Variants in RNGTT observed in about 807,000 individuals in gnomAD.
The protein encoded by RNGTT is mRNA-capping enzyme.
In RNGTT, 33 loss-of-function variants were observed where a neutral mutation model predicts 79.3. That is an observed-to-expected ratio of 0.42 (90% CI 0.32 to 0.56). RNGTT has a LOEUF of 0.56. RNGTT is among the 20% of genes least tolerant of loss of function. The probability of loss-of-function intolerance (pLI) is 0.17; values close to 1 mark genes in which losing one functional copy is unlikely to be tolerated. For synonymous variants in RNGTT, 222 were observed against 235.9 expected, an observed-to-expected ratio of 0.94 and a Z score of 0.54; for missense variants, 497 against 739.1, an observed-to-expected ratio of 0.67 and a Z score of 3.80.
At chr6:88,644,164 G>C (rs1408797706) in intron 14 of RNGTT, among the ~76,000 whole-genome samples, 1 of 152,086 alleles carries the variant, frequency 6.6e-6, no homozygotes. Context: ...AAATGACAAA[G>C]GGGATATCAC....
chr6:88,760,922 T>C (rs1778196484), intron 13 of RNGTT, among the ~76,000 whole-genome samples: 1 of 150,926 alleles, frequency 6.6e-6, no homozygotes, highest in Non-Finnish European at 1.5e-5. Context: ...TTGCACAGGC[T>C]GGATTCAAAC....
chr6:88,959,306 C>G (rs1785537050), intron 1 of RNGTT, among the ~76,000 whole-genome samples: 1 of 152,122 alleles, frequency 6.6e-6, no homozygotes, highest in African/African-American at 2.4e-5. Context: ...CACTGAAGTA[C>G]TTATCCATGT....
At chr6:88,624,637 C>T (rs1340565883) in intron 14 of RNGTT, among the ~76,000 whole-genome samples, 5 of 151,516 alleles carry the variant, frequency 3.3e-5, no homozygotes, top group Non-Finnish European at 7.4e-5. Context: ...TAAAAGAAAA[C>T]ATAAAAGAAA....
chr6:88,889,918 G>A (rs1304536927), intron 8 of RNGTT, among the ~76,000 whole-genome samples: 4 of 152,148 alleles, frequency 2.6e-5, no homozygotes, highest in Non-Finnish European at 5.9e-5. Flanking sequence ...GTTCAAGGCT[G>A]CAGTGAGCCT....
intron 12 of RNGTT, among the ~76,000 whole-genome samples, chr6:88,774,142 A>C (rs1190103467): frequency 2.0e-5 from 3 of 152,162 alleles, no homozygotes; most frequent in Non-Finnish European, 4.4e-5. Flanking sequence ...AAAAACCCAA[A>C]TTTAAAAGTC....
chr6:88,954,157 T>C (rs1785347968), intron 1 of RNGTT, among the ~76,000 whole-genome samples: 1 of 152,156 alleles, frequency 6.6e-6, no homozygotes, highest in Non-Finnish European at 1.5e-5. Flanking sequence ...TGAATAGAAA[T>C]GGCCCAAATG....
intron 1 of RNGTT, among the ~76,000 whole-genome samples, chr6:88,952,119 T>C (rs1480017302): frequency 6.6e-6 from 1 of 152,064 alleles, no homozygotes; most frequent in East Asian, 1.9e-4. Context: ...ACCAACTGCA[T>C]GGGAGCTGGG....
chr6:88,685,386 G>T (rs557564424), intron 13 of RNGTT, among the ~76,000 whole-genome samples: 6 of 151,908 alleles, frequency 3.9e-5, no homozygotes, highest in Non-Finnish European at 7.4e-5. Context: ...AAAGAGAAAG[G>T]GTATCTAGGA....
At chr6:88,899,685 A>G (rs1783380247) in intron 6 of RNGTT, among the ~76,000 whole-genome samples, 1 of 152,162 alleles carries the variant, frequency 6.6e-6, no homozygotes, top group African/African-American at 2.4e-5. Context: ...AAGGGCCAAA[A>G]ACTCAGGAGG....
chr6:88,662,076 G>T (rs1774207588), intron 14 of RNGTT, among the ~76,000 whole-genome samples: 1 of 152,134 alleles, frequency 6.6e-6, no homozygotes, highest in Non-Finnish European at 1.5e-5. Flanking sequence ...CATATCAATG[G>T]ATCCAGAAAA....
Position 88,844,512 on chromosome 6 carries a change from C to A in RNGTT, c.1114G>T (p.Val372Phe), listed in dbSNP as rs745412271. Residue 372 changes from valine to phenylalanine, a missense_variant, in exon 11 of 16, where the codon GTT (valine) becomes TTT (phenylalanine). This residue lies in a region of RNGTT where 440 missense variants were observed against 671.5 expected (regional missense o/e 0.66). Transcript: ENST00000369485. ...YDIIKFNSQP[V>F]GDCDFNVRLQ... ...CGAACATTAAAATCACAATCTCCAA[C>A]GGGCTGTGACTGAATTAAATAAAGA... is the stretch of plus-strand genomic sequence containing the variant. The A allele has an allele frequency of 1.9e-6, 3 of 1,600,240 alleles. No individual in the cohort carries two copies. The highest frequency in any genetic ancestry group is 2.6e-6 in the Non-Finnish European group (3 of 1,176,376).
At chr6:88,881,927 T>C (rs1782705623) in intron 8 of RNGTT, among the ~76,000 whole-genome samples, 1 of 152,236 alleles carries the variant, frequency 6.6e-6, no homozygotes, top group Non-Finnish European at 1.5e-5. Context: ...AGCTTACTAA[T>C]TCTCTATAAG....
chr6:88,914,972 A>T (rs924291980), intron 4 of RNGTT, among the ~76,000 whole-genome samples: 12 of 152,246 alleles, frequency 7.9e-5, no homozygotes, highest in Non-Finnish European at 1.6e-4. Flanking sequence ...ACATGAACAG[A>T]CAGTTATCAA....
chr6:88,624,712 T>TA (rs1236325143), intron 14 of RNGTT, among the ~76,000 whole-genome samples: 2 of 151,830 alleles, frequency 1.3e-5, no homozygotes, highest in East Asian at 3.8e-4. Flanking sequence ...ATTCATAAAA[T>TA]AAAAAACTGA....
At chr6:88,676,042 G>A (rs754493626) in intron 14 of RNGTT, among the ~76,000 whole-genome samples, 1 of 152,072 alleles carries the variant, frequency 6.6e-6, no homozygotes, top group Non-Finnish European at 1.5e-5. Flanking sequence ...CATTTTTATA[G>A]AAACTGACAA....
At chr6:88,900,543 GGCCA>G (rs1783415268) in intron 6 of RNGTT, among the ~76,000 whole-genome samples, 1 of 151,952 alleles carries the variant, frequency 6.6e-6, no homozygotes, top group Non-Finnish European at 1.5e-5. Context: ...ACACAAGCCT[GGCCA>G]ACATGGTGAA....
intron 14 of RNGTT, among the ~76,000 whole-genome samples, chr6:88,664,146 A>T (rs183066480): frequency 6.6e-6 from 1 of 152,292 alleles, no homozygotes; most frequent in African/African-American, 2.4e-5. Context: ...AACGAGACAG[A>T]GGGTATGCAA....
chr6:88,769,899 A>G (rs1417524514), intron 12 of RNGTT, 25 bp from the exon 13 acceptor site: 2 of 1,501,344 alleles, frequency 1.3e-6, no homozygotes, highest in African/African-American at 2.7e-5. Flanking sequence ...AATGATGACA[A>G]TCGTTACTAA....
chr6:88,660,799 T>C (rs1002048120), intron 14 of RNGTT, among the ~76,000 whole-genome samples: 8 of 152,232 alleles, frequency 5.3e-5, no homozygotes, highest in African/African-American at 1.7e-4. Flanking sequence ...ACTTAAACTA[T>C]ACCCTAGAAC....
Sources: gnomAD v4.1 joint callset for allele counts (sites outside exome capture counted in the v4.1 genomes callset) on GRCh38, gnomAD v4.1.1 for gene constraint, gnomAD v4.1.1 regional missense constraint, MANE v1.5 for transcripts, NCBI Gene and HGNC (gene_info 2026-07-23, HGNC 2026-07-21) for gene names.